Variants in RUNX1 observed in about 807,000 individuals in gnomAD.
The protein encoded by RUNX1 is RUNX family transcription factor 1, also known as runt-related transcription factor 1.
RUNX1 carries 19 observed loss-of-function variants against 42.8 expected under a neutral mutation model. That is an observed-to-expected ratio of 0.44 (90% CI 0.31 to 0.65). The LOEUF (loss-of-function observed/expected upper bound fraction) is 0.65, where lower values mean the gene tolerates loss of function less well. RUNX1 is among the 30% of genes least tolerant of loss of function. The pLI is 0.07. For missense variants in RUNX1, 528 were observed against 672.0 expected (o/e 0.79, Z 2.37); for synonymous variants, 271 against 289.4 (o/e 0.94, Z 0.64).
chr21:34,803,676 G>C (rs1394831384), intron 7 of RUNX1, among the ~76,000 whole-genome samples: 1 of 152,122 alleles, frequency 6.6e-6, no homozygotes, highest in East Asian at 1.9e-4. Flanking sequence ...TTTTGTGATG[G>C]GTTATTTTCA....
In RUNX1 at chr21:34,788,680, G is replaced by C. The variant is rs1468842793; in HGVS notation, c.*3455C>G. The C allele has an allele frequency of 1.7e-5, 4 of 233,264 alleles. No individual in the cohort carries two copies. Among genetic ancestry groups the C allele is most frequent in the Non-Finnish European group, 3.4e-5 (4 of 117,966 alleles). The allele number at this position is 233,264 out of a possible 1,614,324, so 14.4% of individuals were successfully genotyped here. On this transcript the variant is annotated 3_prime_UTR_variant, in exon 9 of 9. Coordinates refer to ENST00000675419, the MANE Select transcript of RUNX1 (RefSeq NM_001754.5). ...TCTGGAAGGAAAAAAAGAGCCAAATGATCAGCCTCATCAATACTGACCTGG... is the reference window on the plus strand; with the variant it reads ...TCTGGAAGGAAAAAAAGAGCCAAATCATCAGCCTCATCAATACTGACCTGG...
intron 8 of RUNX1, among the ~76,000 whole-genome samples, chr21:34,793,773 G>A (rs561163881): frequency 2.0e-5 from 3 of 150,000 alleles, no homozygotes; most frequent in African/African-American, 2.5e-5. Context: ...GTGTGATCTC[G>A]GCTCACTGCA....
intron 7 of RUNX1, among the ~76,000 whole-genome samples, chr21:34,809,801 T>A (rs182185059): frequency 2.0e-5 from 3 of 152,096 alleles, no homozygotes; most frequent in Non-Finnish European, 4.4e-5. Context: ...CCAGGGTCCA[T>A]GTAATGCCTT....
intron 7 of RUNX1, among the ~76,000 whole-genome samples, chr21:34,802,750 G>A (rs776462533): frequency 5.3e-5 from 8 of 152,164 alleles, no homozygotes; most frequent in East Asian, 1.9e-4. Context: ...GCCTCTGAGA[G>A]GAGGAGACTA....
chr21:35,015,666 G>GGAAGGAGGAAGC (rs2059154158), intron 2 of RUNX1, among the ~76,000 whole-genome samples: 2 of 152,196 alleles, frequency 1.3e-5, no homozygotes, highest in South Asian at 4.1e-4. Flanking sequence ...TGATCACATA[G>GGAAGGAGGAAGC]GAAGGAGGAA....
At chr21:34,860,292 T>A (rs1024960608) in intron 5 of RUNX1, among the ~76,000 whole-genome samples, 6 of 152,246 alleles carry the variant, frequency 3.9e-5, no homozygotes, top group African/African-American at 1.4e-4. Context: ...CTTCATTGCA[T>A]AGATTTACTA....
intron 2 of RUNX1, among the ~76,000 whole-genome samples, chr21:34,944,640 G>A (rs577474344): frequency 3.0e-4 from 45 of 152,242 alleles, no homozygotes; most frequent in African/African-American, 8.9e-4. Flanking sequence ...AGAGCCTGTC[G>A]TCTCCTCTTA....
chr21:35,010,538 A>G lies in RUNX1; in HGVS notation c.58+38304T>C, dbSNP rs940805083. Among the ~76,000 whole-genome samples, 6 of 152,274 alleles carry G rather than the reference A, an allele frequency of 3.9e-5. No individual in the cohort carries two copies. The East Asian group carries it at 9.6e-4, about 24-fold the overall frequency. On this transcript the variant is annotated intron_variant, in intron 2 of 8. Transcript: ENST00000675419. ...TAGCTTCTGTGATGCTACTTGGTAGAGAGTGATGTTTAATAATAGTTTGTT... is the reference window on the plus strand; with the variant it reads ...TAGCTTCTGTGATGCTACTTGGTAGGGAGTGATGTTTAATAATAGTTTGTT...
chr21:35,023,494 C>G (rs966570444), intron 2 of RUNX1, among the ~76,000 whole-genome samples: 10 of 152,224 alleles, frequency 6.6e-5, no homozygotes, highest in Non-Finnish European at 1.3e-4. Flanking sequence ...CAGCTCATGG[C>G]AGGGGGCTGG....
chr21:34,986,734 A>G (rs1032614207), intron 2 of RUNX1, among the ~76,000 whole-genome samples: 2 of 151,814 alleles, frequency 1.3e-5, no homozygotes, highest in Non-Finnish European at 2.9e-5. Flanking sequence ...ATGCTGGGGG[A>G]AGCAAGGAAG....
Position 34,920,678 on chromosome 21 carries a change from T to C in RUNX1, c.59-27715A>G, listed in dbSNP as rs1252480487. 4.6e-5 allele frequency among the ~76,000 whole-genome samples: 7 copies of C among 152,288 alleles called. No individual in the cohort carries two copies. In the East Asian group the frequency reaches 7.7e-4, roughly 17 times the overall value. Reference sequence around the variant, plus strand: ...TCTGAGGCCATCCCTATTTCTCTTGTGATGTGATATGTTGAGAAGTTATAT... The same window carrying C: ...TCTGAGGCCATCCCTATTTCTCTTGCGATGTGATATGTTGAGAAGTTATAT... On this transcript the variant is annotated intron_variant, in intron 2 of 8. Coordinates refer to ENST00000675419, the MANE Select transcript of RUNX1 (RefSeq NM_001754.5).
chr21:34,797,063 C>G (rs1223366288), intron 8 of RUNX1, among the ~76,000 whole-genome samples: 3 of 152,208 alleles, frequency 2.0e-5, no homozygotes, highest in Non-Finnish European at 4.4e-5. Context: ...GTATTCCACC[C>G]CCCTCCTGCC....
intron 5 of RUNX1, among the ~76,000 whole-genome samples, chr21:34,876,199 C>G (rs1489141261): frequency 6.6e-6 from 1 of 152,150 alleles, no homozygotes; most frequent in Non-Finnish European, 1.5e-5. Context: ...AGAATAGGCC[C>G]CCTCCCCTTT....
intron 2 of RUNX1, among the ~76,000 whole-genome samples, chr21:34,946,484 T>G (rs1382573398): frequency 6.6e-6 from 1 of 152,078 alleles, no homozygotes; most frequent in African/African-American, 2.4e-5. Context: ...GTTGACATAG[T>G]CTCCAGGAAG....
rs754258478 is a variant in RUNX1 at position 34,789,762 on chromosome 21, C to A, written c.*2373G>T. On this transcript the variant is annotated 3_prime_UTR_variant, in exon 9 of 9. Transcript: ENST00000675419. ...TGAGCCTACAATAGTGACAAGCCCCCTCCACACATGGCTTTGAGAGTAAAG... is the reference window on the plus strand; with the variant it reads ...TGAGCCTACAATAGTGACAAGCCCCATCCACACATGGCTTTGAGAGTAAAG... 8.1e-5 allele frequency: 19 copies of A among 233,154 alleles called. No homozygotes were observed. Among genetic ancestry groups the A allele is most frequent in the Non-Finnish European group, 1.4e-4 (17 of 118,068 alleles). 14.4% of individuals were successfully genotyped at this position (233,154 alleles called of 1,614,324 possible). A position where few individuals can be genotyped will look rare whatever the true frequency, so the allele number is the denominator to read the frequency against.
intron 2 of RUNX1, among the ~76,000 whole-genome samples, chr21:35,026,763 G>A (rs2059240057): frequency 6.6e-6 from 1 of 152,198 alleles, no homozygotes; most frequent in Non-Finnish European, 1.5e-5. Context: ...CTGAAAGAGC[G>A]ACGCAGAAAG....
At chr21:34,920,159 T>G (rs1463865718) in intron 2 of RUNX1, among the ~76,000 whole-genome samples, 2 of 152,180 alleles carry the variant, frequency 1.3e-5, no homozygotes, top group Non-Finnish European at 2.9e-5. Context: ...TTTACCAATT[T>G]TGGGAATCCC....
At chr21:34,913,740 A>G (rs1053349446) in intron 2 of RUNX1, among the ~76,000 whole-genome samples, 3 of 152,076 alleles carry the variant, frequency 2.0e-5, no homozygotes, top group Non-Finnish European at 2.9e-5. Flanking sequence ...TAATTAATTG[A>G]TTTTCTGACG....
At chr21:34,921,480 A>G (rs2058353534) in intron 2 of RUNX1, among the ~76,000 whole-genome samples, 1 of 152,224 alleles carries the variant, frequency 6.6e-6, no homozygotes, top group Non-Finnish European at 1.5e-5. Context: ...TCTAAGGCTA[A>G]ACAATATTCC....
Sources: allele counts gnomAD v4.1 joint callset (sites outside exome capture counted in the v4.1 genomes callset), GRCh38; gene constraint gnomAD v4.1.1; transcripts MANE v1.5; gene names NCBI Gene and HGNC (gene_info 2026-07-23, HGNC 2026-07-21).